CD6: variants seen among roughly 807,000 people sequenced by gnomAD.
The protein encoded by CD6 is CD6 molecule.
A neutral mutation model predicts 75.3 loss-of-function variants in CD6; 53 were observed. The observed-to-expected ratio is 0.70, with a 90% CI of 0.56 to 0.88. CD6 has a LOEUF of 0.88. Ranked by LOEUF, CD6 falls within the 40% of genes least tolerant of loss-of-function variation. The probability of loss-of-function intolerance (pLI) is 0.00; values close to 1 mark genes in which losing one functional copy is unlikely to be tolerated. For missense variants in CD6, 770 were observed against 897.1 expected, an observed-to-expected ratio of 0.86 and a Z score of 1.81; for synonymous variants, 359 against 381.5, an observed-to-expected ratio of 0.94 and a Z score of 0.69.
intron 1 of CD6, among the ~76,000 whole-genome samples, chr11:60,974,897 G>A (rs1167440316): frequency 1.3e-5 from 2 of 152,112 alleles, no homozygotes; most frequent in Non-Finnish European, 2.9e-5. Flanking sequence ...CTTTTGTCCA[G>A]ATCTGACACT....
chr11:60,972,269 C>T (rs1471591777), intron 1 of CD6, among the ~76,000 whole-genome samples: 1 of 152,220 alleles, frequency 6.6e-6, no homozygotes, highest in Non-Finnish European at 1.5e-5. Flanking sequence ...CGTTCACCTT[C>T]CAGAGAGGCA....
At chr11:61,018,487 A>AAAAGGAGAAAGGAAGGGGG (rs1859531796) in intron 12 of CD6, 94 bp downstream of exon 12, 4 of 963,556 alleles carry the variant, frequency 4.2e-6, no homozygotes, top group Non-Finnish European at 6.3e-6. Context: ...GCTCAAGGGG[A>AAAAGGAGAAAGGAAGGGGG]AAAGGAGAAA....
chr11:61,012,741 C>A (rs1445298218), intron 6 of CD6, among the ~76,000 whole-genome samples: 2 of 152,154 alleles, frequency 1.3e-5, no homozygotes, highest in African/African-American at 2.4e-5. Context: ...CAAGAAGTCA[C>A]CCCTGAGTGG....
At chr11:61,004,967 A>C (rs1442933547) in intron 1 of CD6, among the ~76,000 whole-genome samples, 3 of 152,182 alleles carry the variant, frequency 2.0e-5, no homozygotes, top group Non-Finnish European at 4.4e-5. Context: ...AGAAACCAGG[A>C]AATGCAGAGG....
chr11:60,985,089 G>A (rs1857748571), intron 1 of CD6: 4 of 151,042 alleles, frequency 2.6e-5, no homozygotes, highest in South Asian at 4.2e-4. Context: ...ACGAATTCAC[G>A]TGTCATACCT....
At chr11:60,981,485 A>G (rs1157521205) in intron 1 of CD6, among the ~76,000 whole-genome samples, 1 of 152,120 alleles carries the variant, frequency 6.6e-6, no homozygotes, top group Non-Finnish European at 1.5e-5. Flanking sequence ...AACTTTATGG[A>G]GCCTGAGCTC....
intron 1 of CD6, among the ~76,000 whole-genome samples, chr11:60,993,786 C>A (rs890981347): frequency 6.6e-6 from 1 of 152,134 alleles, no homozygotes; most frequent in African/African-American, 2.4e-5. Context: ...CACTCATCTC[C>A]CTCATATCAT....
chr11:60,973,038 GC>G (rs1857246160), intron 1 of CD6, among the ~76,000 whole-genome samples: 1 of 152,202 alleles, frequency 6.6e-6, no homozygotes, highest in Admixed American at 6.5e-5. Context: ...GCTGCCTTCT[GC>G]CCCTGAGCTG....
Position 61,019,484 on chromosome 11 carries a change from T to C in CD6, c.*166T>C. ...TATACCTTGTACCCCTCGGTCTCCA[T>C]CCATCAAGCCAAACCTGCTGCCACA... On this transcript the variant is annotated 3_prime_UTR_variant, in exon 13 of 13. Coordinates refer to ENST00000313421, the MANE Select transcript of CD6 (RefSeq NM_006725.5). 2.0e-6 allele frequency: 1 copy of C among 493,516 alleles called. No homozygotes were observed. Among genetic ancestry groups the C allele is most frequent in the Non-Finnish European group, 3.5e-6 (1 of 285,446 alleles). The allele number at this position is 493,516 out of a possible 1,614,324, so 30.6% of individuals were successfully genotyped here. A position where few individuals can be genotyped will look rare whatever the true frequency, so the allele number is the denominator to read the frequency against.
chr11:61,017,132 T>G, intron 9 of CD6: 1 of 273,728 alleles, frequency 3.7e-6, no homozygotes, highest in African/African-American at 2.2e-5. Flanking sequence ...GAAGGCTTCT[T>G]GAAGGAGCAA....
chr11:61,000,959 TCTC>T (rs747277243), intron 1 of CD6, among the ~76,000 whole-genome samples: 6 of 151,958 alleles, frequency 3.9e-5, no homozygotes, highest in African/African-American at 7.3e-5. Flanking sequence ...ACCTCTTTCT[TCTC>T]CTATTCTGAA....
At chr11:60,988,263 TG>T (rs1185810082) in intron 1 of CD6, among the ~76,000 whole-genome samples, 1 of 152,212 alleles carries the variant, frequency 6.6e-6, no homozygotes, top group East Asian at 1.9e-4. Context: ...GGGCACACAG[TG>T]GGCATTCAGA....
At position 60,994,302 on chromosome 11, in the gene CD6, G is replaced by T. The variant is rs141195631; in HGVS notation, c.50-12272G>T. On this transcript the variant is annotated intron_variant, in intron 1 of 12. Transcript: ENST00000313421. ...GTAAAATACAAAAAATTAGCCAGGC[G>T]TGGTGGCACACACCTGTAGTCCCAG... Among the ~76,000 whole-genome samples, 388 of 151,752 alleles carry T rather than the reference G, an allele frequency of 2.6e-3. 4 individuals are homozygous for T. Among genetic ancestry groups the T allele is most frequent in the African/African-American group, 8.7e-3 (361 of 41,314 alleles).
intron 1 of CD6, among the ~76,000 whole-genome samples, chr11:60,991,135 TTTTC>T (rs200924939): frequency 6.9e-4 from 98 of 141,088 alleles, no homozygotes; most frequent in African/African-American, 2.4e-3. Flanking sequence ...CTTTCTTTTC[TTTTC>T]TTTTTCTTTC....
At position 61,008,558 on chromosome 11, in the gene CD6, A is replaced by G. The variant is rs1424617571; in HGVS notation, c.494A>G (p.Asp165Gly). The part of the protein sequence containing the change: ...CAENRALRLV[D>G]GGGACAGRVE... ...GAGAACCGCGCGCTGCGCCTGGTGG[A>G]CGGTGGCGGCGCCTGCGCCGGCCGC... is the stretch of plus-strand genomic sequence containing the variant. Residue 165 changes from aspartate to glycine, a missense_variant, in exon 4 of 13, where the codon GAC (aspartate) becomes GGC (glycine). Asp to Gly is a moderately conservative substitution (Grantham distance 94, BLOSUM62 -1). Transcript: ENST00000313421. The G allele has an allele frequency of 1.9e-6, 3 of 1,605,266 alleles. No homozygotes were observed. The highest frequency in any genetic ancestry group is 1.7e-5 in the Admixed American group (1 of 59,274).
At position 61,007,603 on chromosome 11, in the gene CD6, C is replaced by A; in HGVS notation, c.162C>A (p.Cys54Ter). ...PVRLTNGSSSCSGTVEVRLEA... is the reference protein window; with the variant it reads ...PVRLTNGSSS ...GTCTGACAAACGGGAGCAGCAGCTG[C>A]AGCGGGACGGTGGAGGTGCGGCTCG... is the stretch of plus-strand genomic sequence containing the variant. Residue 54 changes from cysteine to a stop codon, truncating the protein, a stop_gained, in exon 3 of 13, where the codon TGC (cysteine) becomes TGA (stop). Coordinates refer to ENST00000313421, the MANE Select transcript of CD6 (RefSeq NM_006725.5). LOFTEE classifies it high-confidence loss of function. This position sits in a 1 kb window ranked among gnomAD's most constrained non-coding sequence, Gnocchi z 4.2. 1 of 1,504,128 alleles carries A rather than the reference C, an allele frequency of 6.6e-7. No individual in the cohort carries two copies. Among genetic ancestry groups the A allele is most frequent in the Admixed American group, 2.2e-5 (1 of 45,568 alleles). 93.2% of individuals were successfully genotyped at this position (1,504,128 alleles called of 1,614,324 possible).
At chr11:60,979,715 G>A (rs935250300) in intron 1 of CD6, among the ~76,000 whole-genome samples, 4 of 151,946 alleles carry the variant, frequency 2.6e-5, no homozygotes, top group Non-Finnish European at 4.4e-5. Context: ...TGATCCACCC[G>A]CCCGCCTCAG....
chr11:60,993,316 G>T (rs549474634), intron 1 of CD6, among the ~76,000 whole-genome samples: 1 of 152,112 alleles, frequency 6.6e-6, no homozygotes, highest in African/African-American at 2.4e-5. Flanking sequence ...AGCCTTCAGA[G>T]AACCAGAATC....
rs1857193417 is a variant in CD6, at chr11:60,971,828, C to T, written c.-38C>T. ...CCCGGCCCCAAGATGGTGCTTCCCA[C>T]AGGCAGCCACGCGTAGCAGCCAGAG... On this transcript the variant is annotated 5_prime_UTR_variant, in exon 1 of 13. Transcript: ENST00000313421. 2 of 1,609,258 alleles carry T rather than the reference C, an allele frequency of 1.2e-6. No individual in the cohort carries two copies. The highest frequency in any genetic ancestry group is 1.3e-5 in the African/African-American group (1 of 74,900).
Sources: allele counts gnomAD v4.1 joint callset (sites outside exome capture counted in the v4.1 genomes callset), GRCh38; gene constraint gnomAD v4.1.1; non-coding constraint Gnocchi (gnomAD v3.1); transcripts MANE v1.5; gene names NCBI Gene and HGNC (gene_info 2026-07-23, HGNC 2026-07-21).